Variants in SLC12A7 observed in about 807,000 individuals in gnomAD.
SLC12A7 encodes solute carrier family 12 member 7.
SLC12A7 carries 100 observed loss-of-function variants against 120.6 expected under a neutral mutation model. The ratio of observed to expected loss-of-function variants is 0.83; its 90% CI spans 0.71 to 0.98. The LOEUF is 0.98. Ranked by LOEUF, SLC12A7 falls within the 50% of genes least tolerant of loss-of-function variation. The pLI, the probability that SLC12A7 is intolerant of heterozygous loss-of-function variation, is 0.00. For missense variants in SLC12A7, 1,373 were observed against 1,548.1 expected, an observed-to-expected ratio of 0.89 and a Z score of 1.90; for synonymous variants, 760 against 678.0, an observed-to-expected ratio of 1.12 and a Z score of -1.88.
intron 4 of SLC12A7, 93 bp from the exon 5 acceptor site, chr5:1,088,453 G>A (rs532349045): frequency 2.8e-5 from 38 of 1,355,096 alleles, no homozygotes; most frequent in East Asian, 1.3e-4. Context: ...CCCGGCTCCC[G>A]CCGAATGCCA....
At position 1,083,254 on chromosome 5, in the gene SLC12A7, T is replaced by C. The variant is rs554941372; in HGVS notation, c.1129+491A>G. 2.9e-3 allele frequency among the ~76,000 whole-genome samples: 440 copies of C among 151,764 alleles called. 2 individuals carry two copies. The highest frequency in any genetic ancestry group is 0.013 in the South Asian group (62 of 4,794). ...GAAAGCCTGGGCTTCCTGTCTTGGG[T>C]TCTGGAAAGCCTGGGCTTCCCGTCT... On this transcript the variant is annotated intron_variant, in intron 8 of 23. Coordinates refer to ENST00000264930, the MANE Select transcript of SLC12A7 (RefSeq NM_006598.3).
the SLC12A7 span, among the ~76,000 whole-genome samples, chr5:1,133,279 T>A: frequency 2.6e-5 from 4 of 152,214 alleles, no homozygotes; most frequent in Non-Finnish European, 5.9e-5. Flanking sequence ...TGCGCTGGGC[T>A]AATGGCTGGG....
At chr5:1,117,212 GGGGTGCAGCCTTCGCTGGGGA>G in the SLC12A7 span, among the ~76,000 whole-genome samples, 1 of 152,154 alleles carries the variant, frequency 6.6e-6, no homozygotes, top group Non-Finnish European at 1.5e-5. This position sits in a 1 kb window ranked among gnomAD's most constrained non-coding sequence, Gnocchi z 4.5. Context: ...TGCGGGGGTG[GGGGTGCAGCCTTCGCTGGGGA>G]GGCAGCCAGG....
the SLC12A7 span, among the ~76,000 whole-genome samples, chr5:1,136,540 G>T: frequency 1.1e-5 from 1 of 94,236 alleles, no homozygotes; most frequent in Non-Finnish European, 2.0e-5. Context: ...GCAGGCACAC[G>T]TGTGCTCAGA....
chr5:1,051,105 C>G lies in SLC12A7; in HGVS notation c.*1255G>C, dbSNP rs1734986755. On this transcript the variant is annotated 3_prime_UTR_variant, in exon 24 of 24. Coordinates refer to ENST00000264930, the MANE Select transcript of SLC12A7 (RefSeq NM_006598.3). ...CCCAAGTCGGTGCCACTGCCCGCAG[C>G]CTGCAAATGTGACCACAACCTACAA... 1 of 395,882 alleles carries G rather than the reference C, an allele frequency of 2.5e-6. No individual in the cohort carries two copies. Among genetic ancestry groups the G allele is most frequent in the Non-Finnish European group, 4.4e-6 (1 of 224,966 alleles). 24.5% of individuals were successfully genotyped at this position (395,882 alleles called of 1,614,324 possible). A position where few individuals can be genotyped will look rare whatever the true frequency, so the allele number is the denominator to read the frequency against.
the SLC12A7 span, among the ~76,000 whole-genome samples, chr5:1,138,254 C>A: frequency 2.6e-5 from 4 of 152,184 alleles, no homozygotes; most frequent in African/African-American, 9.7e-5. Flanking sequence ...CACCCACTGC[C>A]GGCGGGGTGG....
chr5:1,081,878 C>T (rs544765142), intron 8 of SLC12A7, 134 bp from the exon 9 acceptor site: 3 of 1,033,872 alleles, frequency 2.9e-6, no homozygotes, highest in East Asian at 2.6e-5. Flanking sequence ...CGCAAGCAGG[C>T]TCCAATTCAA....
the SLC12A7 span, among the ~76,000 whole-genome samples, chr5:1,138,243 C>T: frequency 6.6e-6 from 1 of 152,210 alleles, no homozygotes; most frequent in African/African-American, 2.4e-5. Context: ...CCCCAGGGCA[C>T]CACCCACTGC....
intron 3 of SLC12A7, among the ~76,000 whole-genome samples, chr5:1,093,229 A>G (rs1308014755): frequency 6.6e-6 from 1 of 152,194 alleles, no homozygotes; most frequent in Non-Finnish European, 1.5e-5. Flanking sequence ...TCCTCTCCAC[A>G]GCAGGGGATG....
intron 18 of SLC12A7, among the ~76,000 whole-genome samples, chr5:1,064,864 G>C (rs1453831631): frequency 6.4e-5 from 9 of 140,232 alleles, no homozygotes; most frequent in African/African-American, 2.2e-4. Flanking sequence ...GACGGCGAGG[G>C]GACAGCGAGG....
chr5:1,110,606 G>A (rs1742925292), intron 1 of SLC12A7, among the ~76,000 whole-genome samples: 1 of 152,260 alleles, frequency 6.6e-6, no homozygotes, highest in African/African-American at 2.4e-5. Context: ...TTCCGGGGGC[G>A]TTGCTACAAA....
At chr5:1,101,872 C>T (rs749208486) in intron 1 of SLC12A7, among the ~76,000 whole-genome samples, 5 of 149,962 alleles carry the variant, frequency 3.3e-5, no homozygotes, top group Non-Finnish European at 5.9e-5. Context: ...GGCAAGAGAA[C>T]GTCTATCTGC....
chr5:1,064,903 C>T lies in SLC12A7; in HGVS notation c.2437+380G>A, dbSNP rs114041597. On this transcript the variant is annotated intron_variant, in intron 18 of 23. Transcript: ENST00000264930. ...CGGCGAGGAGATGGTGAGGGGACCG[C>T]GAGGGGACGGCGAGGAGATGGTGAG... 5.4e-3 allele frequency among the ~76,000 whole-genome samples: 454 copies of T among 84,672 alleles called. 4 individuals carry two copies. The highest frequency in any genetic ancestry group is 6.8e-3 in the Non-Finnish European group (276 of 40,810). 55.5% of individuals were successfully genotyped at this position (84,672 alleles called of 152,430 possible). A position where few individuals can be genotyped will look rare whatever the true frequency, so the allele number is the denominator to read the frequency against.
rs56355367 is a variant in SLC12A7, at chr5:1,093,535, T to C, written c.340A>G (p.Lys114Glu). ...GGGCACGGGCAGGGTGGCAGTACCT[T>C]GGCCTCCCGCCGCCGGCTCTCCTCG... ...EDEESRRREAKAPRMGTFIGV... is the reference protein window; with the variant it reads ...EDEESRRREAEAPRMGTFIGV... Residue 114 changes from lysine (K) to glutamate (E), a missense_variant and splice_region_variant, in exon 3 of 24, where the codon AAG becomes GAG. Coordinates refer to ENST00000264930, the MANE Select transcript of SLC12A7 (RefSeq NM_006598.3). The C allele has an allele frequency of 8.2e-6, 13 of 1,587,368 alleles. No individual in the cohort carries two copies. Among genetic ancestry groups the C allele is most frequent in the Non-Finnish European group, 1.0e-5 (12 of 1,168,470 alleles).
the SLC12A7 span, among the ~76,000 whole-genome samples, chr5:1,134,944 T>C: frequency 3.3e-5 from 5 of 152,070 alleles, no homozygotes; most frequent in South Asian, 4.2e-4. Context: ...CTGGCCAACA[T>C]GGTGAAACCC....
intron 15 of SLC12A7, 34 bp downstream of exon 15, chr5:1,075,337 C>A (rs771165082): frequency 1.3e-6 from 2 of 1,597,472 alleles, no homozygotes; most frequent in South Asian, 1.1e-5. Flanking sequence ...CCCTCCCGTG[C>A]GCCGGGTCTG....
In SLC12A7 at chr5:1,083,412, G is replaced by A. The variant is rs374388789; in HGVS notation, c.1129+333C>T. ...TCTCATCAGAGAAGGATACACAGAG[G>A]GGGAAGTTACCGCCCAGCTACCACT... On this transcript the variant is annotated intron_variant, in intron 8 of 23. Coordinates refer to ENST00000264930, the MANE Select transcript of SLC12A7 (RefSeq NM_006598.3). 2.7e-3 allele frequency among the ~76,000 whole-genome samples: 414 copies of A among 152,336 alleles called. 7 individuals are homozygous for A. The highest frequency in any genetic ancestry group is 9.2e-3 in the African/African-American group (383 of 41,584).
intron 12 of SLC12A7, among the ~76,000 whole-genome samples, chr5:1,077,396 G>A (rs946828369): frequency 7.2e-5 from 11 of 152,186 alleles, no homozygotes; most frequent in African/African-American, 2.2e-4. Context: ...CACAGCACAC[G>A]GACAGGACCC....
chr5:1,116,054 A>T (rs1230214403), upstream of SLC12A7, among the ~76,000 whole-genome samples: 1 of 151,808 alleles, frequency 6.6e-6, no homozygotes, highest in Non-Finnish European at 1.5e-5. Context: ...CAGGAGTCCC[A>T]CCAGGGCCGA....
Sources: gnomAD v4.1 joint callset for allele counts (sites outside exome capture counted in the v4.1 genomes callset) on GRCh38, gnomAD v4.1.1 for gene constraint, Gnocchi (gnomAD v3.1) non-coding constraint, MANE v1.5 for transcripts, NCBI Gene and HGNC (gene_info 2026-07-23, HGNC 2026-07-21) for gene names.